The following DHX15 variants were observed in gnomAD, a reference collection of about 807,000 sequenced individuals.
The protein encoded by DHX15 is ATP-dependent RNA helicase DHX15.
DHX15 carries 11 observed loss-of-function variants against 94.4 expected under a neutral mutation model. The ratio of observed to expected loss-of-function variants is 0.12; its 90% confidence interval spans 0.07 to 0.19. DHX15 has a LOEUF of 0.19. DHX15 is among the 10% of genes least tolerant of loss of function. The pLI, the probability that DHX15 is intolerant of heterozygous loss-of-function variation, is 1.00. For synonymous variants in DHX15, 338 were observed against 329.9 expected (o/e 1.02, Z -0.27); for missense variants, 304 against 988.5 (o/e 0.31, Z 9.29).
intron 8 of DHX15, 55 bp from the exon 9 acceptor site, chr4:24,541,003 G>C: frequency 8.7e-7 from 1 of 1,155,894 alleles, no homozygotes; most frequent in Non-Finnish European, 1.3e-6. Flanking sequence ...CAGTCTCCTC[G>C]TTCCAGAAAA....
At chr4:24,564,251 T>G (rs1438680356) in intron 3 of DHX15, among the ~76,000 whole-genome samples, 1 of 152,160 alleles carries the variant, frequency 6.6e-6, no homozygotes, top group Non-Finnish European at 1.5e-5. Context: ...TGTGTAGTAT[T>G]TTTTAAAAGA....
chr4:24,579,038 G>A (rs1049519219), intron 1 of DHX15, among the ~76,000 whole-genome samples: 1 of 152,134 alleles, frequency 6.6e-6, no homozygotes, highest in African/African-American at 2.4e-5. Flanking sequence ...TTCATCAGAT[G>A]CTTCATTACC....
At chr4:24,540,350 T>C (rs1370788750) in intron 9 of DHX15, 51 bp from the exon 10 acceptor site, 10 of 1,464,220 alleles carry the variant, frequency 6.8e-6, no homozygotes, top group Non-Finnish European at 9.3e-6. Flanking sequence ...CAAGCAAAAA[T>C]GTGACAAAGT....
At chr4:24,548,676 G>C (rs536293144) in intron 6 of DHX15, among the ~76,000 whole-genome samples, 179 bp downstream of exon 6, 5 of 152,304 alleles carry the variant, frequency 3.3e-5, no homozygotes, top group African/African-American at 1.2e-4. Context: ...CCTAGAAGAA[G>C]CAGTACTCAT....
chr4:24,541,025 T>C, intron 8 of DHX15, 77 bp from the exon 9 acceptor site: 1 of 779,560 alleles, frequency 1.3e-6, no homozygotes, highest in South Asian at 1.7e-5. Context: ...AAAAATCTGC[T>C]GCCTCCTGAG....
chr4:24,563,347 T>A (rs1721924723), intron 3 of DHX15: 1 of 152,072 alleles, frequency 6.6e-6, no homozygotes. Context: ...TCCAAGGAGT[T>A]ACCATATGGA....
intron 6 of DHX15, among the ~76,000 whole-genome samples, chr4:24,544,854 C>T (rs1174735658): frequency 6.6e-6 from 1 of 151,846 alleles, no homozygotes; most frequent in African/African-American, 2.4e-5. Context: ...GGCTCACATC[C>T]GTAATCCCAG....
At chr4:24,540,358 A>G in intron 9 of DHX15, 59 bp from the exon 10 acceptor site, 1 of 1,422,558 alleles carries the variant, frequency 7.0e-7, no homozygotes, top group South Asian at 1.4e-5. Context: ...AATGTGACAA[A>G]GTACAAACTA....
intron 6 of DHX15, among the ~76,000 whole-genome samples, chr4:24,543,585 G>A (rs373133311): frequency 4.6e-5 from 7 of 152,070 alleles, no homozygotes; most frequent in South Asian, 2.1e-4. Context: ...TGGTCTCAAC[G>A]GGATGACATG....
At chr4:24,566,537 A>G (rs1203946444) in intron 3 of DHX15, among the ~76,000 whole-genome samples, 1 of 152,040 alleles carries the variant, frequency 6.6e-6, no homozygotes, top group African/African-American at 2.4e-5. Flanking sequence ...TTAAATTCCA[A>G]CTTCCTGGCC....
At chr4:24,581,409 A>AAG (rs1722413706) in intron 1 of DHX15, among the ~76,000 whole-genome samples, 1 of 152,252 alleles carries the variant, frequency 6.6e-6, no homozygotes, top group African/African-American at 2.4e-5. Flanking sequence ...AGTACAAAAT[A>AAG]ACACGCGTTG....
At chr4:24,568,760 C>A (rs926031153) in intron 3 of DHX15, among the ~76,000 whole-genome samples, 1 of 152,150 alleles carries the variant, frequency 6.6e-6, no homozygotes, top group African/African-American at 2.4e-5. Context: ...TAAAATCTCC[C>A]CCTTATTATC....
chr4:24,539,011 C>A (rs1427838210), intron 10 of DHX15: 2 of 152,230 alleles, frequency 1.3e-5, no homozygotes, highest in South Asian at 4.2e-4. Context: ...AGGCAGACAA[C>A]AACCTACCAC....
chr4:24,529,850 G>A, intron 12 of DHX15, 80 bp from the exon 13 acceptor site: 1 of 1,384,514 alleles, frequency 7.2e-7, no homozygotes, highest in Non-Finnish European at 1.0e-6. Context: ...ATTAGGAAGA[G>A]GCAGGCCTCC....
intron 1 of DHX15, among the ~76,000 whole-genome samples, chr4:24,578,603 C>A (rs527680705): frequency 6.2e-4 from 94 of 152,130 alleles, no homozygotes; most frequent in African/African-American, 2.2e-3. Flanking sequence ...GCTCCATTAC[C>A]CGGGTTGGAG....
intron 5 of DHX15, among the ~76,000 whole-genome samples, chr4:24,550,094 CAAAAAAAAAAAAAAAAAAAAAAA>C (rs58459661): frequency 8.0e-5 from 4 of 49,742 alleles, no homozygotes; most frequent in Non-Finnish European, 1.4e-4. Context: ...AACTCCGTCT[CAAAAAAAAAAAAAAAAAAAAAAA>C]AAAAAACGGT....
intron 3 of DHX15, among the ~76,000 whole-genome samples, chr4:24,557,452 T>C (rs1459121698): frequency 6.6e-6 from 1 of 152,164 alleles, no homozygotes; most frequent in Non-Finnish European, 1.5e-5. Context: ...ATGGACCAAC[T>C]GGATATTTTT....
Position 24,533,518 on chromosome 4 carries a change from T to C in DHX15, c.1910-464A>G, listed in dbSNP as rs532356161. The C allele has an allele frequency of 3.1e-5, 5 of 162,450 alleles. No homozygotes were observed. The South Asian group carries it at 8.6e-4, about 28-fold the overall frequency. The allele number at this position is 162,450 out of a possible 1,614,324, so 10.1% of individuals were successfully genotyped here. A position where few individuals can be genotyped will look rare whatever the true frequency, so the allele number is the denominator to read the frequency against. Reference sequence around the variant, plus strand: ...CAGACTTAAAGACGGCAAAGTTTTATTGCGACACACGTGTCTCTCAGCAAT... The same window carrying C: ...CAGACTTAAAGACGGCAAAGTTTTACTGCGACACACGTGTCTCTCAGCAAT... On this transcript the variant is annotated intron_variant, in intron 11 of 13. Coordinates refer to ENST00000336812, the MANE Select transcript of DHX15 (RefSeq NM_001358.3).
At chr4:24,566,220 T>G (rs558058536) in intron 3 of DHX15, among the ~76,000 whole-genome samples, 1 of 152,008 alleles carries the variant, frequency 6.6e-6, no homozygotes, top group African/African-American at 2.4e-5. Flanking sequence ...TTTTAATATA[T>G]AAATCTTTTT....
Sources: allele counts gnomAD v4.1 joint callset (sites outside exome capture counted in the v4.1 genomes callset), GRCh38; gene constraint gnomAD v4.1.1; transcripts MANE v1.5; gene names NCBI Gene and HGNC (gene_info 2026-07-23, HGNC 2026-07-21).